AGBL4: variants seen among roughly 807,000 people sequenced by gnomAD.
AGBL4 encodes cytosolic carboxypeptidase 6.
In AGBL4, 58 loss-of-function variants were observed where a neutral mutation model predicts 66.4. The ratio of observed to expected loss-of-function variants is 0.87; its 90% CI spans 0.71 to 1.09. AGBL4 has a LOEUF of 1.09. AGBL4 is among the 50% of genes least tolerant of loss of function. The pLI is 0.00. For missense variants in AGBL4, 579 were observed against 631.0 expected (o/e 0.92, Z 0.88); for synonymous variants, 234 against 222.9 (o/e 1.05, Z -0.44).
intron 4 of AGBL4, among the ~76,000 whole-genome samples, chr1:49,101,527 T>C (rs1645201848): frequency 6.6e-6 from 1 of 152,174 alleles, no homozygotes; most frequent in Non-Finnish European, 1.5e-5. Context: ...TATGTGAACC[T>C]AATACATGGT....
chr1:49,190,770 T>A (rs148029413), intron 4 of AGBL4, among the ~76,000 whole-genome samples: 1 of 152,168 alleles, frequency 6.6e-6, no homozygotes, highest in African/African-American at 2.4e-5. Context: ...GGCTCACACA[T>A]ATTATATGTG....
At chr1:49,622,309 C>A (rs1645375946) in intron 3 of AGBL4, among the ~76,000 whole-genome samples, 1 of 152,122 alleles carries the variant, frequency 6.6e-6, no homozygotes, top group Admixed American at 6.5e-5. Context: ...TCTTTTTATG[C>A]CTCAGTTTTC....
rs1653880456 is a variant in AGBL4 at position 48,919,232 on chromosome 1, C to G, written c.595-52002G>C. Among the ~76,000 whole-genome samples, 3 of 152,118 alleles carry G rather than the reference C, an allele frequency of 2.0e-5. No homozygotes were observed. In the South Asian group the frequency reaches 6.2e-4, roughly 32 times the overall value. On this transcript the variant is annotated intron_variant, in intron 5 of 13. Transcript: ENST00000371839. ...TCTTTAAGCTATGGAACTCTCTGTA[C>G]AGAAAAAATTACATTCAAAGCCCAT...
intron 3 of AGBL4, among the ~76,000 whole-genome samples, chr1:49,515,688 C>T (rs527706062): frequency 6.6e-6 from 1 of 151,812 alleles, no homozygotes; most frequent in East Asian, 1.9e-4. Flanking sequence ...CACATATACA[C>T]CATGGAATAC....
At chr1:49,298,284 C>T (rs950402323) in intron 3 of AGBL4, among the ~76,000 whole-genome samples, 10 of 152,166 alleles carry the variant, frequency 6.6e-5, no homozygotes, top group African/African-American at 1.9e-4. Context: ...CTGAAAGTCC[C>T]ACCTATCACC....
At chr1:48,522,964 C>G in the AGBL4 span, among the ~76,000 whole-genome samples, 1 of 151,656 alleles carries the variant, frequency 6.6e-6, no homozygotes, top group Admixed American at 6.6e-5. Flanking sequence ...ACTACCTAGT[C>G]CTCATTAGGG....
intron 5 of AGBL4, among the ~76,000 whole-genome samples, chr1:48,973,904 T>C (rs1290259340): frequency 6.6e-6 from 1 of 152,148 alleles, no homozygotes; most frequent in Non-Finnish European, 1.5e-5. Flanking sequence ...TTTGTGTGCT[T>C]GTTTGTTTAT....
At chr1:49,787,544 C>A (rs1024237569) in intron 2 of AGBL4, among the ~76,000 whole-genome samples, 1 of 150,500 alleles carries the variant, frequency 6.6e-6, no homozygotes, top group East Asian at 1.9e-4. Context: ...CAGACAAAAA[C>A]GTGAGGAAAG....
At chr1:49,016,714 G>C (rs117265664) in intron 5 of AGBL4, among the ~76,000 whole-genome samples, 1 of 152,180 alleles carries the variant, frequency 6.6e-6, no homozygotes, top group South Asian at 2.1e-4. Flanking sequence ...TAAACAGGTC[G>C]TCAGCGAACC....
chr1:49,986,223 T>C (rs1457112120), intron 1 of AGBL4, among the ~76,000 whole-genome samples: 1 of 152,022 alleles, frequency 6.6e-6, no homozygotes, highest in Non-Finnish European at 1.5e-5. Flanking sequence ...CCCTTCCCAA[T>C]CAATAGATCT....
chr1:48,552,944 A>G (rs1211879530), intron 11 of AGBL4, among the ~76,000 whole-genome samples: 1 of 151,738 alleles, frequency 6.6e-6, no homozygotes. Flanking sequence ...TCCTCCCTCC[A>G]TTTCTAGCAC....
At chr1:48,583,803 C>T (rs1644774422) in intron 11 of AGBL4, 1 of 149,902 alleles carries the variant, frequency 6.7e-6, no homozygotes, top group Non-Finnish European at 1.5e-5. Context: ...CAGCAGCCAA[C>T]AAAGATCACA....
intron 1 of AGBL4, chr1:49,995,962 A>T (rs1660337579): frequency 6.6e-6 from 1 of 152,332 alleles, no homozygotes; most frequent in Admixed American, 6.5e-5. Context: ...GAAGAGCAGT[A>T]ACAATCACTG....
intron 1 of AGBL4, among the ~76,000 whole-genome samples, chr1:49,963,443 C>T (rs781523816): frequency 1.8e-4 from 28 of 152,154 alleles, no homozygotes; most frequent in Non-Finnish European, 3.4e-4. Flanking sequence ...TCAATATTAA[C>T]ATGATGCTAA....
At chr1:49,632,480 G>A (rs1053943769) in intron 3 of AGBL4, among the ~76,000 whole-genome samples, 2 of 152,110 alleles carry the variant, frequency 1.3e-5, no homozygotes, top group African/African-American at 4.8e-5. Context: ...GAAAAATTTT[G>A]TCTTAGAAGC....
intron 2 of AGBL4, among the ~76,000 whole-genome samples, chr1:49,786,059 C>A (rs912420529): frequency 6.6e-6 from 1 of 151,818 alleles, no homozygotes; most frequent in African/African-American, 2.4e-5. Context: ...GATGCTTTTA[C>A]AAAATATTCC....
At chr1:49,771,718 A>T (rs1395406558) in intron 2 of AGBL4, among the ~76,000 whole-genome samples, 1 of 152,034 alleles carries the variant, frequency 6.6e-6, no homozygotes, top group African/African-American at 2.4e-5. Context: ...CACATTATTG[A>T]ATTGCTCCCT....
Position 49,330,185 on chromosome 1 carries a change from G to A in AGBL4, c.283-84321C>T, listed in dbSNP as rs542165841. 3.3e-5 allele frequency among the ~76,000 whole-genome samples: 5 copies of A among 152,332 alleles called. No individual in the cohort carries two copies. In the South Asian group the frequency reaches 1.0e-3, roughly 32 times the overall value. ...TAATCCCAGCACTTTGGGAGGCCGA[G>A]GTGGGCAGATCACCTGAGGTCAGGA... On this transcript the variant is annotated intron_variant, in intron 3 of 13. Transcript: ENST00000371839.
At chr1:48,530,678 T>C (rs1035004128), downstream of AGBL4, among the ~76,000 whole-genome samples, 1 of 152,168 alleles carries the variant, frequency 6.6e-6, no homozygotes, top group Admixed American at 6.5e-5. Flanking sequence ...GTAAACAGAC[T>C]TTTAGTCCTG....
Sources: allele counts gnomAD v4.1 joint callset (sites outside exome capture counted in the v4.1 genomes callset), GRCh38; gene constraint gnomAD v4.1.1; transcripts MANE v1.5; gene names NCBI Gene and HGNC (gene_info 2026-07-23, HGNC 2026-07-21).